Variants in CCSER1 observed in about 807,000 individuals in gnomAD.
The protein encoded by CCSER1 is serine-rich coiled-coil domain-containing protein 1.
A neutral mutation model predicts 82.0 loss-of-function variants in CCSER1; 41 were observed. That is an observed-to-expected ratio of 0.50 (90% confidence interval 0.39 to 0.65). The LOEUF is 0.65. CCSER1 is among the 30% of genes least tolerant of loss of function. The pLI is 0.00. For missense variants in CCSER1, 1,119 were observed against 1,064.2 expected (o/e 1.05, Z -0.72); for synonymous variants, 414 against 383.9 (o/e 1.08, Z -0.92).
chr4:90,627,153 CA>C (rs1723443988), intron 5 of CCSER1, among the ~76,000 whole-genome samples: 2 of 151,940 alleles, frequency 1.3e-5, no homozygotes, highest in South Asian at 4.1e-4. Context: ...CTTCACAGGA[CA>C]ATTGAACCAC....
At chr4:90,240,246 G>A (rs533207140) in intron 1 of CCSER1, among the ~76,000 whole-genome samples, 87 of 152,272 alleles carry the variant, frequency 5.7e-4, no homozygotes, top group Non-Finnish European at 4.3e-4. Flanking sequence ...GGGGCCTGTA[G>A]TGGACTCAGT....
intron 9 of CCSER1, among the ~76,000 whole-genome samples, chr4:91,082,928 T>C (rs967807415): frequency 6.6e-6 from 1 of 152,182 alleles, no homozygotes; most frequent in Non-Finnish European, 1.5e-5. Flanking sequence ...CTGGAGAGGA[T>C]GTGGAGAAAT....
At chr4:91,337,476 A>T (rs1025385229) in intron 10 of CCSER1, among the ~76,000 whole-genome samples, 1 of 152,108 alleles carries the variant, frequency 6.6e-6, no homozygotes, top group Non-Finnish European at 1.5e-5. Flanking sequence ...TGAATGTGTC[A>T]CCTGGTTCTT....
intron 1 of CCSER1, among the ~76,000 whole-genome samples, chr4:90,252,738 A>C (rs1722622979): frequency 6.6e-6 from 1 of 151,970 alleles, no homozygotes; most frequent in Non-Finnish European, 1.5e-5. Flanking sequence ...AATTAAAAAA[A>C]TTAATTTTTA....
chr4:91,312,238 T>C (rs1745535669), intron 10 of CCSER1, among the ~76,000 whole-genome samples: 1 of 151,758 alleles, frequency 6.6e-6, no homozygotes, highest in African/African-American at 2.4e-5. Context: ...AGAGTTATAA[T>C]ATATAAGATA....
At chr4:91,520,959 C>T (rs1471512109) in intron 10 of CCSER1, among the ~76,000 whole-genome samples, 7 of 152,080 alleles carry the variant, frequency 4.6e-5, no homozygotes, top group African/African-American at 1.7e-4. Context: ...CATAGGTATA[C>T]ATGTGTCATG....
chr4:90,387,111 G>A (rs1003520957), intron 3 of CCSER1, among the ~76,000 whole-genome samples: 12 of 151,860 alleles, frequency 7.9e-5, no homozygotes, highest in South Asian at 2.1e-4. Flanking sequence ...AAGATTTGGC[G>A]GAAAGACATA....
chr4:90,490,298 C>T (rs923046348), intron 5 of CCSER1, among the ~76,000 whole-genome samples: 1 of 152,030 alleles, frequency 6.6e-6, no homozygotes, highest in Non-Finnish European at 1.5e-5. Context: ...TTTCATGTGT[C>T]TTTTGGCTGC....
intron 10 of CCSER1, among the ~76,000 whole-genome samples, chr4:91,352,379 T>C (rs528339576): frequency 2.0e-5 from 3 of 152,328 alleles, no homozygotes; most frequent in Non-Finnish European, 4.4e-5. Context: ...CCCAAGTAGC[T>C]GGAACTACAG....
chr4:90,647,927 T>A (rs1727879224), intron 6 of CCSER1, among the ~76,000 whole-genome samples: 1 of 152,132 alleles, frequency 6.6e-6, no homozygotes, highest in Non-Finnish European at 1.5e-5. Flanking sequence ...CAAAAAATAT[T>A]CATGCCTGTG....
chr4:90,506,566 C>T (rs1237084141), intron 5 of CCSER1, among the ~76,000 whole-genome samples: 3 of 151,962 alleles, frequency 2.0e-5, no homozygotes, highest in African/African-American at 4.8e-5. Context: ...AGTTCGAGAC[C>T]AGCCTAGGCA....
At chr4:91,126,667 T>C (rs890725115) in intron 10 of CCSER1, among the ~76,000 whole-genome samples, 1 of 152,000 alleles carries the variant, frequency 6.6e-6, no homozygotes, top group Non-Finnish European at 1.5e-5. Flanking sequence ...TTACATATTC[T>C]GTTAAAGAAT....
intron 10 of CCSER1, among the ~76,000 whole-genome samples, chr4:91,382,166 A>G (rs1750949576): frequency 6.6e-6 from 1 of 152,076 alleles, no homozygotes; most frequent in African/African-American, 2.4e-5. Flanking sequence ...GTCTGCCTCT[A>G]CTGGGGGGTT....
At chr4:90,670,025 A>G (rs945498446) in intron 6 of CCSER1, among the ~76,000 whole-genome samples, 1 of 152,148 alleles carries the variant, frequency 6.6e-6, no homozygotes, top group African/African-American at 2.4e-5. Context: ...TCATTCATGA[A>G]TGAACCTATT....
chr4:91,596,012 T>A (rs1578886436), intron 10 of CCSER1, among the ~76,000 whole-genome samples: 1 of 131,568 alleles, frequency 7.6e-6, no homozygotes, highest in South Asian at 2.5e-4. Context: ...CTATGCTAAA[T>A]AAACATAAAT....
At chr4:91,187,007 T>TG (rs1183863709) in intron 10 of CCSER1, among the ~76,000 whole-genome samples, 1 of 152,318 alleles carries the variant, frequency 6.6e-6, no homozygotes, top group East Asian at 1.9e-4. Flanking sequence ...GGCCAGATTT[T>TG]GGGGGGCCTG....
chr4:91,295,683 C>T (rs1359098330), intron 10 of CCSER1, among the ~76,000 whole-genome samples: 3 of 151,658 alleles, frequency 2.0e-5, no homozygotes, highest in African/African-American at 7.3e-5. Flanking sequence ...CAAAGAGAAA[C>T]CTCTAGGTTT....
At chr4:90,714,559 G>A (rs1580108955) in intron 6 of CCSER1, among the ~76,000 whole-genome samples, 1 of 151,902 alleles carries the variant, frequency 6.6e-6, no homozygotes, top group Non-Finnish European at 1.5e-5. Context: ...CATAGATAAG[G>A]GGTCAGAGAC....
chr4:90,812,136 G>A (rs1758433246), intron 7 of CCSER1, among the ~76,000 whole-genome samples: 1 of 151,998 alleles, frequency 6.6e-6, no homozygotes, highest in South Asian at 2.1e-4. Flanking sequence ...AGGGCAGGAA[G>A]CATCCAGCAC....
Sources: gnomAD v4.1 joint callset for allele counts (sites outside exome capture counted in the v4.1 genomes callset) on GRCh38, gnomAD v4.1.1 for gene constraint, MANE v1.5 for transcripts, NCBI Gene and HGNC (gene_info 2026-07-23, HGNC 2026-07-21) for gene names.